The following EHMT2 variants were observed in gnomAD, a reference collection of about 807,000 sequenced individuals.
The protein encoded by EHMT2 is euchromatic histone lysine methyltransferase 2, also known as histone-lysine N-methyltransferase EHMT2.
In EHMT2, 59 loss-of-function variants were observed where a neutral mutation model predicts 143.3. That is an observed-to-expected ratio of 0.41 (90% confidence interval 0.33 to 0.51). The LOEUF is 0.51. Among genes scored for constraint, EHMT2 ranks in the 20% least tolerant of loss-of-function variants. EHMT2 has a pLI of 0.18. For synonymous variants in EHMT2, 604 were observed against 651.5 expected (o/e 0.93, Z 1.11); for missense variants, 1,174 against 1,645.9 (o/e 0.71, Z 4.96).
chr6:31,882,955 A>G, exon 24 of EHMT2: 1 of 1,612,800 alleles, frequency 6.2e-7, no homozygotes, highest in Non-Finnish European at 8.5e-7. Flanking sequence ...GCCTGGTTAC[A>G]CTCGAAAATC....
intron 18 of EHMT2, 183 bp downstream of exon 18, chr6:31,886,398 A>G: frequency 1.6e-6 from 1 of 609,956 alleles, no homozygotes; most frequent in Non-Finnish European, 2.8e-6. Context: ...CTGAAACTTG[A>G]TAAAGAGAAA....
At chr6:31,887,721 C>T (rs948432385) in intron 14 of EHMT2, 58 bp downstream of exon 14, 8 of 1,607,124 alleles carry the variant, frequency 5.0e-6, no homozygotes, top group South Asian at 3.3e-5. Flanking sequence ...GCATCAGCCT[C>T]GACACCACTC....
Position 31,883,201 on chromosome 6 carries a change from C to T in EHMT2, c.2994+161G>A. On this transcript the variant is annotated intron_variant, in intron 23 of 27. Transcript: ENST00000375537. The surrounding 1 kb of genome is among the most constrained non-coding windows in gnomAD (Gnocchi z 5.6). ...GACCTGGGCACACGCCCATCGCTGT[C>T]CCAGCCACATCCCAGGATTCCCAGG... is the stretch of plus-strand genomic sequence containing the variant. 1 of 890,988 alleles carries T rather than the reference C, an allele frequency of 1.1e-6. No homozygotes were observed. The highest frequency in any genetic ancestry group is 1.8e-6 in the Non-Finnish European group (1 of 566,564). 55.2% of individuals were successfully genotyped at this position (890,988 alleles called of 1,614,324 possible).
Position 31,884,277 on chromosome 6 carries a change from G to A in EHMT2, c.2771+115C>T. 2 of 1,264,690 alleles carry A rather than the reference G, an allele frequency of 1.6e-6. No individual in the cohort carries two copies. Among genetic ancestry groups the A allele is most frequent in the Non-Finnish European group, 2.2e-6 (2 of 927,256 alleles). The allele number at this position is 1,264,690 out of a possible 1,614,324, so 78.3% of individuals were successfully genotyped here. On this transcript the variant is annotated intron_variant, in intron 21 of 27. Coordinates refer to ENST00000375537, the Ensembl canonical transcript of EHMT2. This position sits in a 1 kb window ranked among gnomAD's most constrained non-coding sequence, Gnocchi z 7.3. ...GAGGGGGCCTGTGGGTGGTTCTGGG[G>A]ATTCAGTGGTGCATGGGGAGGGGTT...
At position 31,880,361 on chromosome 6, in the gene EHMT2, C is replaced by T. The variant is rs948843822; in HGVS notation, c.3453-97G>A. On this transcript the variant is annotated intron_variant, in intron 27 of 27. Transcript: ENST00000375537. This position sits in a 1 kb window ranked among gnomAD's most constrained non-coding sequence, Gnocchi z 6.6. Reference sequence around the variant, plus strand: ...ATCCTGCTCCCTGAGAGGGACCCGACACCCAACCTATCTTCTCCAGATGGG... The same window carrying T: ...ATCCTGCTCCCTGAGAGGGACCCGATACCCAACCTATCTTCTCCAGATGGG... The T allele has an allele frequency of 8.0e-6, 11 of 1,368,912 alleles. No individual in the cohort carries two copies. Among genetic ancestry groups the T allele is most frequent in the Middle Eastern group, 2.1e-4 (1 of 4,694 alleles). 84.8% of individuals were successfully genotyped at this position (1,368,912 alleles called of 1,614,324 possible).
Position 31,889,164 on chromosome 6 carries a change from T to C in EHMT2, c.1114+64A>G. ...GGACATGCGAGAGCGTGTGTGTGCGTGCACACACTCTGGGGGGCCGGGCGG... is the reference window on the plus strand; with the variant it reads ...GGACATGCGAGAGCGTGTGTGTGCGCGCACACACTCTGGGGGGCCGGGCGG... On this transcript the variant is annotated intron_variant, in intron 9 of 27. Transcript: ENST00000375537. This position sits in a 1 kb window ranked among gnomAD's most constrained non-coding sequence, Gnocchi z 5.1. 1.3e-6 allele frequency: 2 copies of C among 1,525,038 alleles called. No individual in the cohort carries two copies. Among genetic ancestry groups the C allele is most frequent in the Non-Finnish European group, 1.8e-6 (2 of 1,118,116 alleles). The allele number at this position is 1,525,038 out of a possible 1,614,324, so 94.5% of individuals were successfully genotyped here.
chr6:31,896,032 C>T, intron 4 of EHMT2: 1 of 496,980 alleles, frequency 2.0e-6, no homozygotes, highest in East Asian at 3.2e-5. Context: ...AAGACATTAA[C>T]TATATAATTG....
intron 18 of EHMT2, chr6:31,886,344 G>A: frequency 1.8e-6 from 1 of 548,560 alleles, no homozygotes; most frequent in Non-Finnish European, 3.2e-6. Context: ...TTAATAAAAA[G>A]CCTCACTGGA....
Position 31,888,942 on chromosome 6 carries a change from C to T in EHMT2, c.1216+27G>A. 6.3e-7 allele frequency: 1 copy of T among 1,578,468 alleles called. No homozygotes were observed. Among genetic ancestry groups the T allele is most frequent in the South Asian group, 1.1e-5 (1 of 87,056 alleles). ...CTGCCCTGAGGTCGCCCCCTAGTGG[C>T]TCCCTGTCCCGGCAATTGGCAATTA... is the stretch of plus-strand genomic sequence containing the variant. On this transcript the variant is annotated intron_variant, in intron 10 of 27. Coordinates refer to ENST00000375537, the Ensembl canonical transcript of EHMT2. This position sits in a 1 kb window ranked among gnomAD's most constrained non-coding sequence, Gnocchi z 7.4.
At chr6:31,891,181 G>A (rs1180740890) in intron 7 of EHMT2, among the ~76,000 whole-genome samples, 4 of 152,062 alleles carry the variant, frequency 2.6e-5, no homozygotes, top group Admixed American at 6.6e-5. Flanking sequence ...CCAACCTCAC[G>A]TGATCTGCCC....
chr6:31,883,148 T>C lies in EHMT2; in HGVS notation c.2995-139A>G. The C allele has an allele frequency of 1.2e-6, 1 of 867,322 alleles. No homozygotes were observed. The highest frequency in any genetic ancestry group is 1.8e-6 in the Non-Finnish European group (1 of 541,086). The allele number at this position is 867,322 out of a possible 1,614,324, so 53.7% of individuals were successfully genotyped here. On this transcript the variant is annotated intron_variant, in intron 23 of 27. Transcript: ENST00000375537. The surrounding 1 kb of genome is among the most constrained non-coding windows in gnomAD (Gnocchi z 5.6). ...GGCTCTGAGATCCGAGAGCACGAAATGCAGGAGCATCATCCCTGGTTTGCA... is the reference window on the plus strand; with the variant it reads ...GGCTCTGAGATCCGAGAGCACGAAACGCAGGAGCATCATCCCTGGTTTGCA...
At position 31,881,401 on chromosome 6, in the gene EHMT2, A is replaced by G; in HGVS notation, c.3198-309T>C. The G allele has an allele frequency of 2.0e-6, 1 of 501,506 alleles. No homozygotes were observed. Among genetic ancestry groups the G allele is most frequent in the Non-Finnish European group, 3.6e-6 (1 of 274,986 alleles). The allele number at this position is 501,506 out of a possible 1,614,324, so 31.1% of individuals were successfully genotyped here. ...CAGAGAGGTTTGTGTTCCAGGAGCC[A>G]CCCGGCAGGAATGGGCGATATGGAA... On this transcript the variant is annotated intron_variant, in intron 25 of 27. Coordinates refer to ENST00000375537, the Ensembl canonical transcript of EHMT2. This position sits in a 1 kb window ranked among gnomAD's most constrained non-coding sequence, Gnocchi z 4.8.
At chr6:31,879,975 G>A in exon 28 of EHMT2, 2 of 1,240,434 alleles carry the variant, frequency 1.6e-6, no homozygotes, top group South Asian at 1.4e-5. Context: ...AAAGGGTGGT[G>A]GGGAGAGAAG....
chr6:31,884,837 G>T lies in EHMT2; in HGVS notation c.2449-38C>A. The T allele has an allele frequency of 6.3e-7, 1 of 1,579,990 alleles. No homozygotes were observed. Among genetic ancestry groups the T allele is most frequent in the Middle Eastern group, 1.7e-4 (1 of 5,896 alleles). On this transcript the variant is annotated intron_variant, in intron 19 of 27. Coordinates refer to ENST00000375537, the Ensembl canonical transcript of EHMT2. This position sits in a 1 kb window ranked among gnomAD's most constrained non-coding sequence, Gnocchi z 7.3. ...GAGGGGAACAGATGAGGTGCAGGCA[G>T]CTGGGCCCTTGAATCCAGCCTCCAC...
At chr6:31,887,231 C>G (rs144007819) in intron 15 of EHMT2, 130 bp from the exon 16 acceptor site, 35 of 739,480 alleles carry the variant, frequency 4.7e-5, no homozygotes, top group Middle Eastern at 3.4e-4. Flanking sequence ...TGGCATTCTC[C>G]GAGCTTGCCT....
intron 15 of EHMT2, 77 bp downstream of exon 15, chr6:31,887,497 GTAC>G: frequency 7.8e-7 from 1 of 1,283,572 alleles, no homozygotes; most frequent in Non-Finnish European, 1.1e-6. Context: ...CTTCACGACT[GTAC>G]TCCTGGCCCT....
Position 31,886,767 on chromosome 6 carries a change from G to T in EHMT2, c.2241+8C>A. ...CCGGGGGCCACGCCCTGCTGCCTGC[G>T]CGCACACCTTGCTATAGACACAGCC... On this transcript the variant is annotated splice_region_variant and intron_variant, in intron 17 of 27. Coordinates refer to ENST00000375537, the Ensembl canonical transcript of EHMT2. 2 of 1,614,192 alleles carry T rather than the reference G, an allele frequency of 1.2e-6. No individual in the cohort carries two copies. The highest frequency in any genetic ancestry group is 1.7e-6 in the Non-Finnish European group (2 of 1,180,024).
Position 31,880,600 on chromosome 6 carries a change from C to A in EHMT2, c.3452+73G>T. On this transcript the variant is annotated intron_variant, in intron 27 of 27. Transcript: ENST00000375537. This position sits in a 1 kb window ranked among gnomAD's most constrained non-coding sequence, Gnocchi z 6.6. ...TCCATGCCTGGACACCAGGTACATGCCAGCCTTCAGGTCCCAGGTTTGCTG... is the reference window on the plus strand; with the variant it reads ...TCCATGCCTGGACACCAGGTACATGACAGCCTTCAGGTCCCAGGTTTGCTG... The A allele has an allele frequency of 6.6e-7, 1 of 1,516,290 alleles. No individual in the cohort carries two copies. 93.9% of individuals were successfully genotyped at this position (1,516,290 alleles called of 1,614,324 possible).
chr6:31,888,952 C>A lies in EHMT2; in HGVS notation c.1216+17G>T, dbSNP rs1387637922. 6.3e-7 allele frequency: 1 copy of A among 1,586,582 alleles called. No homozygotes were observed. On this transcript the variant is annotated intron_variant, in intron 10 of 27. Transcript: ENST00000375537. The surrounding 1 kb of genome is among the most constrained non-coding windows in gnomAD (Gnocchi z 7.4). ...GTCGCCCCCTAGTGGCTCCCTGTCCCGGCAATTGGCAATTACCAGCGTGGT... is the reference window on the plus strand; with the variant it reads ...GTCGCCCCCTAGTGGCTCCCTGTCCAGGCAATTGGCAATTACCAGCGTGGT...
Sources: gnomAD v4.1 joint callset for allele counts (sites outside exome capture counted in the v4.1 genomes callset) on GRCh38, gnomAD v4.1.1 for gene constraint, Gnocchi (gnomAD v3.1) non-coding constraint, MANE v1.5 for transcripts, NCBI Gene and HGNC (gene_info 2026-07-23, HGNC 2026-07-21) for gene names.